The following PHACTR3 variants were observed in gnomAD, a reference collection of about 807,000 sequenced individuals.
The protein encoded by PHACTR3 is protein phosphatase 1, regulatory subunit 123.
PHACTR3 carries 16 observed loss-of-function variants against 66.8 expected under a neutral mutation model. The observed-to-expected ratio is 0.24, with a 90% confidence interval of 0.16 to 0.36. PHACTR3 has a LOEUF of 0.36. PHACTR3 is among the 10% of genes least tolerant of loss of function. PHACTR3 has a pLI of 1.00. For missense variants in PHACTR3, 647 were observed against 719.9 expected (o/e 0.90, Z 1.16); for synonymous variants, 323 against 292.1 (o/e 1.11, Z -1.08).
intron 1 of PHACTR3, among the ~76,000 whole-genome samples, chr20:59,670,639 T>C (rs919817603): frequency 2.0e-5 from 3 of 148,848 alleles, no homozygotes; most frequent in Non-Finnish European, 4.5e-5. Flanking sequence ...ACTGTTTCCA[T>C]CCTGCAAGGT....
At chr20:59,584,939 T>G (rs2032977114) in intron 1 of PHACTR3, among the ~76,000 whole-genome samples, 3 of 152,030 alleles carry the variant, frequency 2.0e-5, no homozygotes, top group Non-Finnish European at 4.4e-5. Flanking sequence ...CTCATTTTAA[T>G]GTAATCACCC....
chr20:59,657,440 T>A (rs1028099585), intron 1 of PHACTR3, among the ~76,000 whole-genome samples: 1 of 152,140 alleles, frequency 6.6e-6, no homozygotes, highest in Admixed American at 6.5e-5. Flanking sequence ...TGGTGTCACT[T>A]GATTTCAGCC....
intron 1 of PHACTR3, among the ~76,000 whole-genome samples, chr20:59,718,640 G>A (rs1245523955): frequency 1.3e-5 from 2 of 152,070 alleles, no homozygotes; most frequent in Non-Finnish European, 2.9e-5. Flanking sequence ...ATGAGATCTG[G>A]TTTTGACTTA....
chr20:59,667,401 C>CGTCTCATTG (rs1355537573), intron 1 of PHACTR3, among the ~76,000 whole-genome samples: 1 of 152,204 alleles, frequency 6.6e-6, no homozygotes, highest in African/African-American at 2.4e-5. Context: ...CCAACTAGCC[C>CGTCTCATTG]GTCTCATTGT....
At chr20:59,735,924 G>T (rs747672415) in intron 1 of PHACTR3, among the ~76,000 whole-genome samples, 1 of 152,180 alleles carries the variant, frequency 6.6e-6, no homozygotes, top group Non-Finnish European at 1.5e-5. Flanking sequence ...GCTCCATGAG[G>T]TCAGTGTTCC....
rs1187506080 is a variant in PHACTR3, at chr20:59,695,785, T to C, written c.119-47322T>C. Among the ~76,000 whole-genome samples, 3 of 151,858 alleles carry C rather than the reference T, an allele frequency of 2.0e-5. No individual in the cohort carries two copies. In the East Asian group the frequency reaches 5.8e-4, roughly 30 times the overall value. On this transcript the variant is annotated intron_variant, in intron 1 of 12. Coordinates refer to ENST00000371015, the MANE Select transcript of PHACTR3 (RefSeq NM_080672.5). Reference sequence around the variant, plus strand: ...TCTCACTCTGTTGCCCAGGCTGGAGTGCAGAGGCATAATATCAGCTAACTG... The same window carrying C: ...TCTCACTCTGTTGCCCAGGCTGGAGCGCAGAGGCATAATATCAGCTAACTG...
Position 59,604,670 on chromosome 20 carries a change from A to T in PHACTR3, c.-345A>T, listed in dbSNP as rs2033593566. 1 of 998,616 alleles carries T rather than the reference A, an allele frequency of 1.0e-6. No homozygotes were observed. The highest frequency in any genetic ancestry group is 1.2e-6 in the Non-Finnish European group (1 of 839,162). 61.9% of individuals were successfully genotyped at this position (998,616 alleles called of 1,614,324 possible). The stretch of plus-strand genomic sequence containing the variant: ...CACCCCCTGCCCCAAGCACGCAATA[A>T]ACACTGACAAGAAAAAGTTTTTATT... On this transcript the variant is annotated 5_prime_UTR_variant, in exon 1 of 13. Transcript: ENST00000371015.
chr20:59,722,156 T>C lies in PHACTR3; in HGVS notation c.119-20951T>C, dbSNP rs1202822267. 9.2e-5 allele frequency among the ~76,000 whole-genome samples: 14 copies of C among 152,060 alleles called. No homozygotes were observed. The South Asian group carries it at 1.5e-3, about 16-fold the overall frequency. Reference sequence around the variant, plus strand: ...CTGAGGCAGGAGAATGGTGTGAACCTGGGAGGCGGAGCTTGCAGTGAGCCA... The same window carrying C: ...CTGAGGCAGGAGAATGGTGTGAACCCGGGAGGCGGAGCTTGCAGTGAGCCA... On this transcript the variant is annotated intron_variant, in intron 1 of 12. Transcript: ENST00000371015.
Position 59,605,098 on chromosome 20 carries a change from G to A in PHACTR3, c.84G>A (p.Ser28=). ...ACCCCAGCGTCCTCACCGACTCCTC[G>A]GCCACCTCCTCCGCGGACGCCGGGG... ...QSDPSVLTDS[S]ATSSADAGEN... is the part of the protein sequence containing the mutation. The change falls in exon 1 of 13, where the codon TCG becomes TCA. Residue 28 remains serine, a synonymous_variant. Transcript: ENST00000371015. The A allele has an allele frequency of 1.4e-6, 2 of 1,400,596 alleles. No individual in the cohort carries two copies. The highest frequency in any genetic ancestry group is 1.6e-5 in the South Asian group (1 of 61,520). The allele number at this position is 1,400,596 out of a possible 1,614,324, so 86.8% of individuals were successfully genotyped here. A position where few individuals can be genotyped will look rare whatever the true frequency, so the allele number is the denominator to read the frequency against.
At chr20:59,634,097 A>G (rs2034765917) in intron 1 of PHACTR3, among the ~76,000 whole-genome samples, 1 of 152,208 alleles carries the variant, frequency 6.6e-6, no homozygotes, top group Non-Finnish European at 1.5e-5. Flanking sequence ...TCTTCACCTT[A>G]TTGCCTGGGA....
At chr20:59,823,176 G>A (rs1209344870) in intron 8 of PHACTR3, among the ~76,000 whole-genome samples, 1 of 152,184 alleles carries the variant, frequency 6.6e-6, no homozygotes, top group Non-Finnish European at 1.5e-5. Flanking sequence ...TATATACATG[G>A]TAAAAAATAA....
chr20:59,727,702 A>G (rs546820285), intron 1 of PHACTR3, among the ~76,000 whole-genome samples: 1 of 152,300 alleles, frequency 6.6e-6, no homozygotes, highest in Admixed American at 6.5e-5. Context: ...CAAACATTTT[A>G]AGTCTGAAAT....
At chr20:59,664,829 C>T (rs780565700) in intron 1 of PHACTR3, among the ~76,000 whole-genome samples, 1 of 152,194 alleles carries the variant, frequency 6.6e-6, no homozygotes, top group Non-Finnish European at 1.5e-5. Flanking sequence ...AAGTCAGCCC[C>T]TGAAATCTGA....
At position 59,718,232 on chromosome 20, in the gene PHACTR3, A is replaced by G. The variant is rs558062070; in HGVS notation, c.119-24875A>G. On this transcript the variant is annotated intron_variant, in intron 1 of 12. Coordinates refer to ENST00000371015, the MANE Select transcript of PHACTR3 (RefSeq NM_080672.5). ...GCTCTGCCCTGCTTGGAGAATGACA[A>G]CTTCTTAAGTTGCCACACAGTACCC... is the stretch of plus-strand genomic sequence containing the variant. Among the ~76,000 whole-genome samples, 9 of 152,054 alleles carry G rather than the reference A, an allele frequency of 5.9e-5. No individual in the cohort carries two copies. The South Asian group carries it at 1.7e-3, about 28-fold the overall frequency.
At chr20:59,774,586 A>G in intron 7 of PHACTR3, 96 bp downstream of exon 7, 1 of 1,479,874 alleles carries the variant, frequency 6.8e-7, no homozygotes, top group Non-Finnish European at 9.0e-7. Flanking sequence ...GGGGAGGAAC[A>G]GGTCGAGGGG....
chr20:59,622,076 A>T (rs1011300045), intron 1 of PHACTR3, among the ~76,000 whole-genome samples: 5 of 151,324 alleles, frequency 3.3e-5, no homozygotes, highest in African/African-American at 1.2e-4. Context: ...GCATATATAT[A>T]TGTGTGTGTA....
At position 59,667,497 on chromosome 20, in the gene PHACTR3, G is replaced by A. The variant is rs558359510; in HGVS notation, c.118+62365G>A. Among the ~76,000 whole-genome samples the A allele has an allele frequency of 2.6e-4, 40 of 152,354 alleles. 2 individuals are homozygous for A. The highest frequency in any genetic ancestry group is 8.7e-4 in the African/African-American group (36 of 41,578). ...AAGCTGTGAATCCTGAACACATGAG[G>A]CCTTGTGATAGATGCCCCTAAACAT... On this transcript the variant is annotated intron_variant, in intron 1 of 12. Transcript: ENST00000371015.
chr20:59,702,291 A>T (rs1321460392), intron 1 of PHACTR3, among the ~76,000 whole-genome samples: 2 of 150,916 alleles, frequency 1.3e-5, no homozygotes, highest in African/African-American at 4.9e-5. Context: ...CTCTTCTCCC[A>T]CTCCATCTTC....
intron 7 of PHACTR3, among the ~76,000 whole-genome samples, chr20:59,776,903 C>T (rs1398900452): frequency 6.6e-6 from 1 of 152,224 alleles, no homozygotes; most frequent in Admixed American, 6.5e-5. Flanking sequence ...ACGCCTCCTG[C>T]TCAGCCAGGT....
Sources: gnomAD v4.1 joint callset for allele counts (sites outside exome capture counted in the v4.1 genomes callset) on GRCh38, gnomAD v4.1.1 for gene constraint, MANE v1.5 for transcripts, NCBI Gene and HGNC (gene_info 2026-07-23, HGNC 2026-07-21) for gene names.